The following TFCP2L1 variants were observed in gnomAD, a reference collection of about 807,000 sequenced individuals.
The protein encoded by TFCP2L1 is transcription factor CP2 like 1.
TFCP2L1 carries 12 observed loss-of-function variants against 72.2 expected under a neutral mutation model. The ratio of observed to expected loss-of-function variants is 0.17; its 90% CI spans 0.11 to 0.27. The LOEUF (loss-of-function observed/expected upper bound fraction) is 0.27. Ranked by LOEUF, TFCP2L1 falls within the 10% of genes least tolerant of loss-of-function variation. TFCP2L1 has a pLI of 1.00. For synonymous variants in TFCP2L1, 260 were observed against 251.0 expected (o/e 1.04, Z -0.34); for missense variants, 488 against 624.6 (o/e 0.78, Z 2.33).
chr2:121,278,283 G>A (rs1447759602), intron 2 of TFCP2L1, among the ~76,000 whole-genome samples: 3 of 149,200 alleles, frequency 2.0e-5, no homozygotes, highest in East Asian at 2.0e-4. Flanking sequence ...TGATCCACCC[G>A]CCTCGGCCTC....
chr2:121,239,675 TG>T (rs1473249443), intron 7 of TFCP2L1, 26 bp from the exon 8 acceptor site: 1 of 1,608,198 alleles, frequency 6.2e-7, no homozygotes, highest in South Asian at 1.1e-5. Context: ...CAGGGCGAGC[TG>T]GGATCTGGAG....
At chr2:121,247,167 T>C (rs971477938) in intron 5 of TFCP2L1, among the ~76,000 whole-genome samples, 197 bp from the exon 6 acceptor site, 1 of 152,076 alleles carries the variant, frequency 6.6e-6, no homozygotes, top group African/African-American at 2.4e-5. Context: ...GCAAAAGACA[T>C]ACACACCCCC....
At chr2:121,239,706 C>T in intron 7 of TFCP2L1, 57 bp from the exon 8 acceptor site, 1 of 1,518,686 alleles carries the variant, frequency 6.6e-7, no homozygotes, top group African/African-American at 1.4e-5. Flanking sequence ...GCCGTGCTCC[C>T]CAGGTCCTCC....
At chr2:121,265,764 G>A (rs966065877) in intron 2 of TFCP2L1, among the ~76,000 whole-genome samples, 1 of 152,130 alleles carries the variant, frequency 6.6e-6, no homozygotes, top group African/African-American at 2.4e-5. Context: ...GATTACAGGC[G>A]TGAGCCACCG....
intron 2 of TFCP2L1, among the ~76,000 whole-genome samples, chr2:121,252,751 G>C (rs973216656): frequency 6.6e-6 from 1 of 152,168 alleles, no homozygotes; most frequent in African/African-American, 2.4e-5. Flanking sequence ...AGAACCGTGA[G>C]AGAATCATTT....
intron 8 of TFCP2L1, among the ~76,000 whole-genome samples, chr2:121,239,195 A>G (rs1686311282): frequency 6.6e-6 from 1 of 152,148 alleles, no homozygotes; most frequent in African/African-American, 2.4e-5. Context: ...CTCAGTGACC[A>G]TGCTGGACAA....
At chr2:121,278,084 C>T (rs1364642703) in intron 2 of TFCP2L1, among the ~76,000 whole-genome samples, 21 of 143,194 alleles carry the variant, frequency 1.5e-4, no homozygotes, top group African/African-American at 4.1e-4. Flanking sequence ...GGTCGGACTG[C>T]GGACTGCAGT....
At chr2:121,240,144 C>T (rs1426261007) in intron 7 of TFCP2L1, 1 of 984,946 alleles carries the variant, frequency 1.0e-6, no homozygotes, top group Non-Finnish European at 1.2e-6. Context: ...GGCGGAGGCT[C>T]TTGCACAATC....
chr2:121,277,336 A>G (rs145814366), intron 2 of TFCP2L1, among the ~76,000 whole-genome samples: 56 of 152,358 alleles, frequency 3.7e-4, no homozygotes, highest in Non-Finnish European at 5.1e-4. Context: ...CCCCAGCTCA[A>G]AAAAGAAAAG....
At chr2:121,224,462 G>T in intron 14 of TFCP2L1, 75 bp from the exon 15 acceptor site, 1 of 1,506,856 alleles carries the variant, frequency 6.6e-7, no homozygotes, top group Non-Finnish European at 9.1e-7. Flanking sequence ...GTCCCAAAAG[G>T]CACGCTGTTA....
At position 121,237,607 on chromosome 2, in the gene TFCP2L1, G is replaced by T. The variant is rs751283012; in HGVS notation, c.1003+16C>A. 14 of 1,613,906 alleles carry T rather than the reference G, an allele frequency of 8.7e-6. No individual in the cohort carries two copies. The highest frequency in any genetic ancestry group is 4.5e-5 in the East Asian group (2 of 44,886). On this transcript the variant is annotated intron_variant, in intron 10 of 14. Transcript: ENST00000263707. Reference sequence around the variant, plus strand: ...AAGATACTCATGGGCTTTAAACACAGTTCGGAGATGCTCACCTGAGAAGCT... The same window carrying T: ...AAGATACTCATGGGCTTTAAACACATTTCGGAGATGCTCACCTGAGAAGCT...
At chr2:121,240,250 T>C in intron 7 of TFCP2L1, 1 of 985,366 alleles carries the variant, frequency 1.0e-6, no homozygotes, top group Non-Finnish European at 1.2e-6. Context: ...ATGAAAGATG[T>C]GATCCTTGCC....
intron 2 of TFCP2L1, among the ~76,000 whole-genome samples, chr2:121,255,589 T>C (rs1686698219): frequency 6.6e-6 from 1 of 152,174 alleles, no homozygotes. Context: ...CTGTTAAAGA[T>C]CAAACCTGGT....
At chr2:121,268,563 T>C (rs1396789634) in intron 2 of TFCP2L1, among the ~76,000 whole-genome samples, 1 of 151,932 alleles carries the variant, frequency 6.6e-6, no homozygotes, top group African/African-American at 2.4e-5. Flanking sequence ...TATCCCTATA[T>C]GGCAAAAAAA....
At chr2:121,235,140 A>G (rs1484830814) in intron 11 of TFCP2L1, 81 bp downstream of exon 11, 1 of 1,494,044 alleles carries the variant, frequency 6.7e-7, no homozygotes, top group African/African-American at 1.4e-5. Flanking sequence ...CCCACCATCC[A>G]AAAGGCTGAG....
intron 5 of TFCP2L1, among the ~76,000 whole-genome samples, chr2:121,247,829 A>T (rs1234289800): frequency 6.6e-6 from 1 of 152,250 alleles, no homozygotes; most frequent in East Asian, 1.9e-4. Context: ...GCTTGATAAC[A>T]AAATAATTCA....
intron 2 of TFCP2L1, among the ~76,000 whole-genome samples, chr2:121,280,562 A>G (rs776557776): frequency 1.1e-4 from 17 of 152,188 alleles, no homozygotes; most frequent in Admixed American, 6.5e-4. Flanking sequence ...GTTTGAGACC[A>G]GCCTGGGCAA....
intron 1 of TFCP2L1, among the ~76,000 whole-genome samples, chr2:121,282,548 CA>C (rs1162869056): frequency 6.7e-6 from 1 of 148,790 alleles, no homozygotes; most frequent in African/African-American, 2.5e-5. Flanking sequence ...AAGAAAGAAA[CA>C]AAAAACCCAG....
chr2:121,282,149 T>C (rs1474034323), intron 1 of TFCP2L1, among the ~76,000 whole-genome samples: 1 of 151,790 alleles, frequency 6.6e-6, no homozygotes, highest in Non-Finnish European at 1.5e-5. Context: ...GTCAGGCTGG[T>C]CACTAACTCC....
Sources: allele counts gnomAD v4.1 joint callset (sites outside exome capture counted in the v4.1 genomes callset), GRCh38; gene constraint gnomAD v4.1.1; transcripts MANE v1.5; gene names NCBI Gene and HGNC (gene_info 2026-07-23, HGNC 2026-07-21).